The following SPCS2 variants were observed in gnomAD, a reference collection of about 807,000 sequenced individuals.
The protein encoded by SPCS2 is signal peptidase complex subunit 2.
Under a neutral mutation model 22.3 loss-of-function variants are expected in SPCS2, and 3 were observed. That is an observed-to-expected ratio of 0.13 (90% CI 0.06 to 0.35). SPCS2 has a LOEUF of 0.35. Ranked by LOEUF, SPCS2 falls within the 10% of genes least tolerant of loss-of-function variation. The pLI is 1.00. For synonymous variants in SPCS2, 67 were observed against 97.2 expected, an observed-to-expected ratio of 0.69 and a Z score of 1.83; for missense variants, 169 against 280.9, an observed-to-expected ratio of 0.60 and a Z score of 2.85.
chr11:74,956,580 G>C (rs1948480203), intron 1 of SPCS2, among the ~76,000 whole-genome samples: 1 of 152,144 alleles, frequency 6.6e-6, no homozygotes, highest in African/African-American at 2.4e-5. Flanking sequence ...CCTACCTAGA[G>C]AGCTGTAGTA....
At chr11:74,960,099 G>A (rs1565485501) in intron 1 of SPCS2, among the ~76,000 whole-genome samples, 1 of 152,216 alleles carries the variant, frequency 6.6e-6, no homozygotes, top group Admixed American at 6.5e-5. Flanking sequence ...GGGAGGCTGA[G>A]GTACGTGGAT....
chr11:74,951,984 A>G (rs181294259), intron 1 of SPCS2, among the ~76,000 whole-genome samples: 2 of 152,284 alleles, frequency 1.3e-5, no homozygotes, highest in East Asian at 3.9e-4. Context: ...TGAGTTGACT[A>G]GAAGGCTCTC....
intron 4 of SPCS2, among the ~76,000 whole-genome samples, chr11:74,972,161 C>T (rs551895290): frequency 3.3e-5 from 5 of 152,154 alleles, no homozygotes; most frequent in African/African-American, 7.2e-5. Context: ...CCTCATCCGG[C>T]TTCAAGTGAT....
At chr11:74,954,122 G>T (rs1435441298) in intron 1 of SPCS2, among the ~76,000 whole-genome samples, 1 of 152,140 alleles carries the variant, frequency 6.6e-6, no homozygotes, top group African/African-American at 2.4e-5. Context: ...TGGCTTAAAT[G>T]ATTTTTTAAA....
intron 1 of SPCS2, among the ~76,000 whole-genome samples, chr11:74,951,671 G>A (rs1948446361): frequency 6.6e-6 from 1 of 151,940 alleles, no homozygotes; most frequent in Admixed American, 6.6e-5. Context: ...TTAGCGAAGT[G>A]TGGTGGTGCA....
chr11:74,971,538 T>C (rs1948584408), intron 4 of SPCS2, among the ~76,000 whole-genome samples: 1 of 152,180 alleles, frequency 6.6e-6, no homozygotes, highest in Non-Finnish European at 1.5e-5. Context: ...TGGAGTGGAA[T>C]GTGAATGTTC....
At position 74,969,551 on chromosome 11, in the gene SPCS2, A is replaced by C. The variant is rs374748294; in HGVS notation, c.360-14A>C. On this transcript the variant is annotated splice_polypyrimidine_tract_variant and intron_variant, in intron 3 of 4. Transcript: ENST00000263672. ...TTTTATGTTTGGGTATTTTCCCCTT[A>C]ACTTTATTTGAACCTATTTTGTGAT... The C allele has an allele frequency of 4.3e-6, 7 of 1,611,432 alleles. No individual in the cohort carries two copies. In the African/African-American group the frequency reaches 9.4e-5, roughly 22 times the overall value.
chr11:74,977,152 G>A lies in SPCS2; in HGVS notation c.*109G>A, dbSNP rs1948619925. 6.2e-6 allele frequency: 8 copies of A among 1,291,034 alleles called. No individual in the cohort carries two copies. The highest frequency in any genetic ancestry group is 3.0e-5 in the African/African-American group (2 of 66,262). The allele number at this position is 1,291,034 out of a possible 1,614,324, so 80.0% of individuals were successfully genotyped here. On this transcript the variant is annotated 3_prime_UTR_variant, in exon 5 of 5. Transcript: ENST00000263672. ...TGGGTAAAGTAAGAAATGTTAAAAA[G>A]TCCCTGTTTTGTCCTGAAATTTTAG...
rs982767738 is a variant in SPCS2, at chr11:74,977,103, G to C, written c.*60G>C. The C allele has an allele frequency of 1.1e-4, 130 of 1,131,212 alleles. No individual in the cohort carries two copies. Among genetic ancestry groups the C allele is most frequent in the Admixed American group, 6.1e-5 (2 of 32,606 alleles). 70.1% of individuals were successfully genotyped at this position (1,131,212 alleles called of 1,614,324 possible). A position where few individuals can be genotyped will look rare whatever the true frequency, so the allele number is the denominator to read the frequency against. ...TTGCTGAATTAGTGGCTTGGGGGGT[G>C]GGGGAGATAAAAAGAACTTAAAATG... On this transcript the variant is annotated 3_prime_UTR_variant, in exon 5 of 5. Transcript: ENST00000263672.
intron 1 of SPCS2, among the ~76,000 whole-genome samples, chr11:74,951,089 CTAT>C (rs1176538465): frequency 6.6e-6 from 1 of 152,182 alleles, no homozygotes; most frequent in Non-Finnish European, 1.5e-5. Flanking sequence ...GTATAGAATA[CTAT>C]TATTATGGAA....
chr11:74,960,395 T>C (rs776132052), intron 1 of SPCS2, among the ~76,000 whole-genome samples: 1 of 152,140 alleles, frequency 6.6e-6, no homozygotes, highest in Non-Finnish European at 1.5e-5. Context: ...AAGATAGTAC[T>C]TTTTGAGCTC....
In SPCS2 at chr11:74,978,367, C is replaced by G. The variant is rs1948627804; in HGVS notation, c.*1324C>G. On this transcript the variant is annotated 3_prime_UTR_variant, in exon 5 of 5. Transcript: ENST00000263672. ...ACAACACTGGACAGAAAGTTAAAGC[C>G]TTGGATTCTGTACTCTTCATTCCTG... 6.6e-6 allele frequency: 1 copy of G among 152,200 alleles called. No individual in the cohort carries two copies. Among genetic ancestry groups the G allele is most frequent in the South Asian group, 2.1e-4 (1 of 4,832 alleles). The allele number at this position is 152,200 out of a possible 1,614,324, so 9.4% of individuals were successfully genotyped here.
chr11:74,956,360 G>C (rs546817525), intron 1 of SPCS2, among the ~76,000 whole-genome samples: 10 of 152,218 alleles, frequency 6.6e-5, no homozygotes, highest in African/African-American at 2.4e-4. Flanking sequence ...ACATGTATCA[G>C]GCATCAATAG....
chr11:74,950,356 G>A (rs934919017), intron 1 of SPCS2, among the ~76,000 whole-genome samples: 14 of 152,282 alleles, frequency 9.2e-5, no homozygotes, highest in Admixed American at 6.5e-4. Flanking sequence ...GGGCTGGTTT[G>A]ATGAGAATTG....
At chr11:74,955,046 T>C (rs1771202792) in intron 1 of SPCS2, among the ~76,000 whole-genome samples, 1 of 151,908 alleles carries the variant, frequency 6.6e-6, no homozygotes, top group African/African-American at 2.4e-5. Flanking sequence ...CTAAGATTGC[T>C]ATAATAAAGG....
At chr11:74,952,941 C>T (rs1340479457) in intron 1 of SPCS2, among the ~76,000 whole-genome samples, 1 of 152,162 alleles carries the variant, frequency 6.6e-6, no homozygotes. Context: ...TATTATTTCA[C>T]CAATTTGTAT....
chr11:74,949,339 T>A lies in SPCS2; in HGVS notation c.54T>A (p.Ser18Arg). The A allele has an allele frequency of 1.3e-5, 20 of 1,551,210 alleles. No individual in the cohort carries two copies. The highest frequency in any genetic ancestry group is 1.7e-5 in the Non-Finnish European group (19 of 1,146,864). The change falls in exon 1 of 5, where the codon AGT (serine) becomes AGA (arginine). Residue 18 changes from serine (S) to arginine (R), a missense_variant. Transcript: ENST00000263672. ...GGRSGGSGGCSGAGGASNCGT... is the reference protein window; with the variant it reads ...GGRSGGSGGCRGAGGASNCGT... Reference sequence around the variant, plus strand: ...GAAGCGGTGGTAGCGGAGGCTGTAGTGGGGCTGGTGGTGCTTCCAACTGCG... The same window carrying A: ...GAAGCGGTGGTAGCGGAGGCTGTAGAGGGGCTGGTGGTGCTTCCAACTGCG...
chr11:74,976,834 G>A, intron 4 of SPCS2, 23 bp from the exon 5 acceptor site: 1 of 1,613,098 alleles, frequency 6.2e-7, no homozygotes, highest in Non-Finnish European at 8.5e-7. Context: ...TTTTTAATTT[G>A]TTATCTTTGC....
At chr11:74,970,611 C>T (rs986745172) in intron 4 of SPCS2, among the ~76,000 whole-genome samples, 4 of 152,132 alleles carry the variant, frequency 2.6e-5, no homozygotes, top group Admixed American at 1.3e-4. Context: ...AGCATCTGTG[C>T]CATACAGACT....
Sources: gnomAD v4.1 joint callset for allele counts (sites outside exome capture counted in the v4.1 genomes callset) on GRCh38, gnomAD v4.1.1 for gene constraint, MANE v1.5 for transcripts, NCBI Gene and HGNC (gene_info 2026-07-23, HGNC 2026-07-21) for gene names.